The following ACKR3 variants were observed in gnomAD, a reference collection of about 807,000 sequenced individuals.
ACKR3 encodes the protein C-X-C chemokine receptor type 7.
In ACKR3, 6 loss-of-function variants were observed where a neutral mutation model predicts 22.4. The observed-to-expected ratio is 0.27, with a 90% CI of 0.15 to 0.53. The LOEUF is 0.53. Ranked by LOEUF, ACKR3 falls within the 20% of genes least tolerant of loss-of-function variation. The probability of loss-of-function intolerance (pLI) is 0.96; values close to 1 mark genes in which losing one functional copy is unlikely to be tolerated. For missense variants in ACKR3, 396 were observed against 475.2 expected, an observed-to-expected ratio of 0.83 and a Z score of 1.55; for synonymous variants, 209 against 205.2, an observed-to-expected ratio of 1.02 and a Z score of -0.16.
At chr2:236,537,966 TA>T in the ACKR3 span, among the ~76,000 whole-genome samples, 6 of 152,298 alleles carry the variant, frequency 3.9e-5, no homozygotes, top group African/African-American at 1.4e-4. Flanking sequence ...GCTAGAAAAA[TA>T]AAAATAACCT....
At chr2:236,556,348 T>C in the ACKR3 span, among the ~76,000 whole-genome samples, 31,016 of 151,926 alleles carry the variant, frequency 0.2, 5,740 homozygotes, top group African/African-American at 0.49. Flanking sequence ...CATCTTGAGC[T>C]CCAGAACCTG....
chr2:236,574,428 AT>A lies in ACKR3; in HGVS notation c.-27+4505del, dbSNP rs1691367497. On this transcript the variant is annotated intron_variant, in intron 1 of 1. Transcript: ENST00000272928. This position sits in a 1 kb window ranked among gnomAD's most constrained non-coding sequence, Gnocchi z 5.6. ...AGGGGCAAGAAACCTGAACAACGTG[AT>A]GGTACAAAAGCCATTCCAGAATAGA... Among the ~76,000 whole-genome samples, 1 of 152,128 alleles carries A rather than the reference AT, an allele frequency of 6.6e-6. No homozygotes were observed. Among genetic ancestry groups the A allele is most frequent in the African/African-American group, 2.4e-5 (1 of 41,416 alleles).
the ACKR3 span, among the ~76,000 whole-genome samples, chr2:236,547,566 CT>C: frequency 6.6e-6 from 1 of 152,132 alleles, no homozygotes; most frequent in Non-Finnish European, 1.5e-5. Flanking sequence ...TGAGAAGTTC[CT>C]TTAAGGAAGC....
chr2:236,578,021 GTT>G (rs1036920711), intron 1 of ACKR3, among the ~76,000 whole-genome samples: 4 of 152,356 alleles, frequency 2.6e-5, no homozygotes, highest in African/African-American at 7.2e-5. Context: ...ATGCAAATGT[GTT>G]TCGTTTTAAG....
At position 236,577,547 on chromosome 2, in the gene ACKR3, C is replaced by G. The variant is rs1288843856; in HGVS notation, c.-26-2893C>G. ...TGGAGGAACTGGAAGGAAGGACACA[C>G]TCGAGATGTGGGAACCAGGCGTCTT... On this transcript the variant is annotated intron_variant, in intron 1 of 1. Coordinates refer to ENST00000272928, the MANE Select transcript of ACKR3 (RefSeq NM_020311.3). This position sits in a 1 kb window ranked among gnomAD's most constrained non-coding sequence, Gnocchi z 5.6. Among the ~76,000 whole-genome samples the G allele has an allele frequency of 6.6e-6, 1 of 152,048 alleles. No individual in the cohort carries two copies. The highest frequency in any genetic ancestry group is 1.5e-5 in the Non-Finnish European group (1 of 68,006).
At chr2:236,541,971 A>G in the ACKR3 span, among the ~76,000 whole-genome samples, 1 of 152,072 alleles carries the variant, frequency 6.6e-6, no homozygotes, top group Non-Finnish European at 1.5e-5. Flanking sequence ...TTCCTTATAA[A>G]TTACACAGTC....
chr2:236,569,277 T>C (rs1332347111), upstream of ACKR3, among the ~76,000 whole-genome samples: 2 of 152,230 alleles, frequency 1.3e-5, no homozygotes, highest in African/African-American at 4.8e-5. Context: ...AAGACTCTTT[T>C]CTCCACTTTG....
At chr2:236,551,929 C>T in the ACKR3 span, among the ~76,000 whole-genome samples, 6 of 152,262 alleles carry the variant, frequency 3.9e-5, no homozygotes, top group East Asian at 3.9e-4. Flanking sequence ...GGCCTCTGCT[C>T]AGAGGCTCAG....
intron 1 of ACKR3, among the ~76,000 whole-genome samples, chr2:236,579,716 G>C (rs1691481182): frequency 6.6e-6 from 1 of 152,204 alleles, no homozygotes; most frequent in Non-Finnish European, 1.5e-5. Flanking sequence ...CCCAAAGCTT[G>C]AGACAGCTGG....
At chr2:236,561,414 T>G in the ACKR3 span, among the ~76,000 whole-genome samples, 1 of 152,188 alleles carries the variant, frequency 6.6e-6, no homozygotes, top group East Asian at 1.9e-4. Context: ...CTCGGTACTA[T>G]TTTTGTTGTT....
upstream of ACKR3, among the ~76,000 whole-genome samples, chr2:236,563,320 G>A (rs184926879): frequency 7.3e-4 from 111 of 152,310 alleles, no homozygotes; most frequent in Non-Finnish European, 4.4e-4. Context: ...AGCACAGTGT[G>A]TGGAAGCAGG....
At chr2:236,555,245 C>A in the ACKR3 span, among the ~76,000 whole-genome samples, 2 of 152,212 alleles carry the variant, frequency 1.3e-5, no homozygotes, top group Non-Finnish European at 2.9e-5. Flanking sequence ...AACTACACAT[C>A]TTACCTCTGT....
At chr2:236,558,733 T>C in the ACKR3 span, among the ~76,000 whole-genome samples, 1 of 152,210 alleles carries the variant, frequency 6.6e-6, no homozygotes, top group Admixed American at 6.5e-5. Context: ...TCTAAGTTTA[T>C]GGTTATTTCA....
chr2:236,556,700 G>T, the ACKR3 span, among the ~76,000 whole-genome samples: 2 of 152,294 alleles, frequency 1.3e-5, no homozygotes, highest in African/African-American at 2.4e-5. Flanking sequence ...TGTTGCTGTT[G>T]TTTTTTGAGA....
intron 1 of ACKR3, among the ~76,000 whole-genome samples, chr2:236,570,963 C>T: frequency 6.6e-6 from 1 of 152,210 alleles, no homozygotes; most frequent in Non-Finnish European, 1.5e-5. Flanking sequence ...GCAGTGACAT[C>T]CCCTGAAACT....
At chr2:236,555,690 G>A in the ACKR3 span, among the ~76,000 whole-genome samples, 6 of 152,000 alleles carry the variant, frequency 3.9e-5, no homozygotes, top group East Asian at 1.9e-4. Flanking sequence ...GGCCAGCTCC[G>A]CCCTCATTCT....
intron 1 of ACKR3, among the ~76,000 whole-genome samples, chr2:236,576,836 A>G (rs985014948): frequency 2.0e-5 from 3 of 152,270 alleles, no homozygotes; most frequent in Non-Finnish European, 4.4e-5. Context: ...CATGAAAAAT[A>G]CCGAAATGAC....
At chr2:236,578,411 G>A (rs1474074346) in intron 1 of ACKR3, among the ~76,000 whole-genome samples, 1 of 152,216 alleles carries the variant, frequency 6.6e-6, no homozygotes, top group Non-Finnish European at 1.5e-5. Flanking sequence ...TGGTCACAGG[G>A]CTTGATTCCT....
At chr2:236,566,779 GC>G (rs1290476969), upstream of ACKR3, among the ~76,000 whole-genome samples, 1 of 86,086 alleles carries the variant, frequency 1.2e-5, no homozygotes, top group Non-Finnish European at 1.9e-5. Flanking sequence ...CTTTGCTAGG[GC>G]CTGCCTTTCT....
Sources: gnomAD v4.1 joint callset for allele counts (sites outside exome capture counted in the v4.1 genomes callset) on GRCh38, gnomAD v4.1.1 for gene constraint, Gnocchi (gnomAD v3.1) non-coding constraint, MANE v1.5 for transcripts, NCBI Gene and HGNC (gene_info 2026-07-23, HGNC 2026-07-21) for gene names.